Variants in RHBDL3 observed in about 807,000 individuals in gnomAD.
RHBDL3 encodes rhomboid-related protein 3.
In RHBDL3, 28 loss-of-function variants were observed where a neutral mutation model predicts 48.2. The observed-to-expected ratio is 0.58, with a 90% CI of 0.43 to 0.80. The LOEUF (loss-of-function observed/expected upper bound fraction) is 0.80. Ranked by LOEUF, RHBDL3 falls within the 30% of genes least tolerant of loss-of-function variation. RHBDL3 has a pLI of 0.00. For synonymous variants in RHBDL3, 208 were observed against 232.3 expected (o/e 0.90, Z 0.95); for missense variants, 464 against 542.7 (o/e 0.85, Z 1.44).
intron 8 of RHBDL3, among the ~76,000 whole-genome samples, chr17:32,316,996 C>G (rs2040991677): frequency 6.6e-6 from 1 of 151,872 alleles, no homozygotes; most frequent in Non-Finnish European, 1.5e-5. Flanking sequence ...CTCAGCCCCC[C>G]AAGTAGCTAG....
rs1181148138 is a variant in RHBDL3 at position 32,324,360 on chromosome 17, C to T, written c.*3131C>T. 1 of 152,638 alleles carries T rather than the reference C, an allele frequency of 6.6e-6. No individual in the cohort carries two copies. The highest frequency in any genetic ancestry group is 1.5e-5 in the Non-Finnish European group (1 of 68,046). 9.5% of individuals were successfully genotyped at this position (152,638 alleles called of 1,614,324 possible). A position where few individuals can be genotyped will look rare whatever the true frequency, so the allele number is the denominator to read the frequency against. ...CTGTTGCTCACCACACCAGGATCTT[C>T]CCCCAGCGTCCAATTTAATTTGCAA... On this transcript the variant is annotated 3_prime_UTR_variant, in exon 9 of 9. Transcript: ENST00000269051.
chr17:32,269,368 G>T (rs59234462), intron 2 of RHBDL3, among the ~76,000 whole-genome samples: 4,468 of 152,226 alleles, frequency 0.029, 221 homozygotes, highest in African/African-American at 0.1. Context: ...CAAAAAACAA[G>T]TTGGAGTGAG....
At chr17:32,309,189 T>A (rs1319155405) in intron 7 of RHBDL3, among the ~76,000 whole-genome samples, 468 of 35,216 alleles carry the variant, frequency 0.013, 1 homozygote, top group Non-Finnish European at 0.029. Context: ...AGTGTGTGTG[T>A]GTGTGTGTGT....
At chr17:32,301,353 T>A (rs541915165) in intron 6 of RHBDL3, among the ~76,000 whole-genome samples, 9 of 146,408 alleles carry the variant, frequency 6.1e-5, no homozygotes, top group Non-Finnish European at 9.0e-5. Flanking sequence ...GGATTGCTTG[T>A]GGCCAGAAGT....
intron 1 of RHBDL3, among the ~76,000 whole-genome samples, chr17:32,267,081 C>G (rs1013482946): frequency 1.3e-5 from 2 of 152,092 alleles, no homozygotes; most frequent in Non-Finnish European, 2.9e-5. Flanking sequence ...GGGTGAAAAA[C>G]CGGGCAGACA....
chr17:32,296,022 C>G lies in RHBDL3; in HGVS notation c.668+1580C>G, dbSNP rs138478278. On this transcript the variant is annotated intron_variant, in intron 5 of 8. Transcript: ENST00000269051. ...CAGGCGGATCACGAGGTCAGGAGAT[C>G]AAGACCATCCTGGCTAACATGGTGA... 7.5e-3 allele frequency among the ~76,000 whole-genome samples: 1,141 copies of G among 152,028 alleles called. 8 individuals carry two copies. Among genetic ancestry groups the G allele is most frequent in the Middle Eastern group, 0.01 (3 of 294 alleles).
At chr17:32,314,938 C>A (rs999122879) in intron 7 of RHBDL3, among the ~76,000 whole-genome samples, 1 of 152,360 alleles carries the variant, frequency 6.6e-6, no homozygotes, top group African/African-American at 2.4e-5. Context: ...GGCTTTCCAC[C>A]TAAAGCGGGA....
At chr17:32,279,898 G>T (rs1341593862) in intron 2 of RHBDL3, among the ~76,000 whole-genome samples, 1 of 152,174 alleles carries the variant, frequency 6.6e-6, no homozygotes, top group Non-Finnish European at 1.5e-5. Flanking sequence ...GCAATACAAA[G>T]AGAGAATCTG....
intron 8 of RHBDL3, among the ~76,000 whole-genome samples, chr17:32,317,085 C>G (rs2150756940): frequency 6.6e-6 from 1 of 152,158 alleles, no homozygotes; most frequent in South Asian, 2.1e-4. Flanking sequence ...GTTGGCCAGG[C>G]TGGTCTCAAA....
In RHBDL3 at chr17:32,302,551, AT is replaced by A. The variant is rs35980086; in HGVS notation, c.782-2781del. On this transcript the variant is annotated intron_variant, in intron 6 of 8. Coordinates refer to ENST00000269051, the MANE Select transcript of RHBDL3 (RefSeq NM_138328.3). Reference sequence around the variant, plus strand: ...TTTTTGTATATATATATATATATATATTTTTTTTTAGTAGCAATGGGGTTTC... The same window carrying A: ...TTTTTGTATATATATATATATATATATTTTTTTTAGTAGCAATGGGGTTTC... 1.9e-3 allele frequency among the ~76,000 whole-genome samples: 80 copies of A among 41,552 alleles called. 2 individuals carry two copies. Among genetic ancestry groups the A allele is most frequent in the African/African-American group, 2.9e-3 (33 of 11,520 alleles). The allele number at this position is 41,552 out of a possible 152,430, so 27.3% of individuals were successfully genotyped here.
chr17:32,290,474 A>G (rs1325169379), intron 4 of RHBDL3, among the ~76,000 whole-genome samples: 1 of 152,192 alleles, frequency 6.6e-6, no homozygotes, highest in Non-Finnish European at 1.5e-5. Context: ...GGAAGTGATC[A>G]AATAGCTGAA....
intron 2 of RHBDL3, among the ~76,000 whole-genome samples, chr17:32,273,835 A>C (rs2039832302): frequency 6.6e-6 from 1 of 152,334 alleles, no homozygotes; most frequent in East Asian, 1.9e-4. Flanking sequence ...TTCCAGGTTC[A>C]AGTCATTCTC....
intron 7 of RHBDL3, among the ~76,000 whole-genome samples, chr17:32,309,900 C>T (rs2040803838): frequency 6.6e-6 from 1 of 151,278 alleles, no homozygotes; most frequent in South Asian, 2.1e-4. Flanking sequence ...TTGCCTCAGC[C>T]CCCCGAGTAG....
At chr17:32,293,192 T>G (rs551832342) in intron 4 of RHBDL3, among the ~76,000 whole-genome samples, 2 of 152,100 alleles carry the variant, frequency 1.3e-5, no homozygotes, top group East Asian at 3.9e-4. Flanking sequence ...GGCGTCATTG[T>G]TCAGTGGGTA....
At position 32,277,773 on chromosome 17, in the gene RHBDL3, G is replaced by C. The variant is rs930580026; in HGVS notation, c.136-6886G>C. 5.3e-5 allele frequency among the ~76,000 whole-genome samples: 8 copies of C among 152,250 alleles called. No individual in the cohort carries two copies. The East Asian group carries it at 7.7e-4, about 15-fold the overall frequency. On this transcript the variant is annotated intron_variant, in intron 2 of 8. Coordinates refer to ENST00000269051, the MANE Select transcript of RHBDL3 (RefSeq NM_138328.3). ...TGTGGACTCATACCTTGTTCCCAAA[G>C]AGTGTTCCATCAAGTGTTACTGTGA... is the stretch of plus-strand genomic sequence containing the variant.
At chr17:32,269,816 G>A (rs1209632283) in intron 2 of RHBDL3, among the ~76,000 whole-genome samples, 1 of 152,134 alleles carries the variant, frequency 6.6e-6, no homozygotes, top group Non-Finnish European at 1.5e-5. Flanking sequence ...GTCCCTGTGT[G>A]TATGTGTACA....
intron 6 of RHBDL3, among the ~76,000 whole-genome samples, 183 bp from the exon 7 acceptor site, chr17:32,305,158 G>GGAGGGAGGGA: frequency 6.6e-6 from 1 of 151,028 alleles, no homozygotes; most frequent in Admixed American, 6.6e-5. Context: ...AGGAAGGGAG[G>GGAGGGAGGGA]GAGGGAGGGA....
At chr17:32,276,751 C>G (rs2039913668) in intron 2 of RHBDL3, among the ~76,000 whole-genome samples, 1 of 83,226 alleles carries the variant, frequency 1.2e-5, no homozygotes. Flanking sequence ...TACTCCAGCC[C>G]TAGCACAGTA....
At chr17:32,310,832 C>T (rs1315289237) in intron 7 of RHBDL3, among the ~76,000 whole-genome samples, 28 of 149,202 alleles carry the variant, frequency 1.9e-4, no homozygotes, top group African/African-American at 2.0e-4. Flanking sequence ...TGCAGTGAGC[C>T]GAGATCACAC....
Sources: gnomAD v4.1 joint callset for allele counts (sites outside exome capture counted in the v4.1 genomes callset) on GRCh38, gnomAD v4.1.1 for gene constraint, MANE v1.5 for transcripts, NCBI Gene and HGNC (gene_info 2026-07-23, HGNC 2026-07-21) for gene names.